The following CD28 variants were observed in gnomAD, a reference collection of about 807,000 sequenced individuals.
CD28 encodes CD28 molecule, also known as T-cell-specific surface glycoprotein CD28.
CD28 carries 8 observed loss-of-function variants against 21.4 expected under a neutral mutation model. That is an observed-to-expected ratio of 0.37 (90% CI 0.22 to 0.68). The LOEUF (loss-of-function observed/expected upper bound fraction) is 0.68, where lower values mean the gene tolerates loss of function less well. Among genes scored for constraint, CD28 ranks in the 30% least tolerant of loss-of-function variants. The pLI is 0.55. For missense variants in CD28, 239 were observed against 272.2 expected (o/e 0.88, Z 0.86); for synonymous variants, 106 against 104.0 (o/e 1.02, Z -0.12).
intron 2 of CD28, among the ~76,000 whole-genome samples, chr2:203,728,777 G>A (rs994011189): frequency 2.0e-5 from 3 of 152,248 alleles, no homozygotes; most frequent in African/African-American, 7.2e-5. Context: ...CTTTAGGATA[G>A]TATTTTATAT....
chr2:203,711,571 AT>A (rs1337312564), intron 1 of CD28, among the ~76,000 whole-genome samples: 6 of 152,144 alleles, frequency 3.9e-5, no homozygotes, highest in Non-Finnish European at 5.9e-5. Flanking sequence ...TATCTTGGGT[AT>A]TGTGGCTGAC....
intron 1 of CD28, among the ~76,000 whole-genome samples, chr2:203,719,841 T>G (rs531651613): frequency 5.3e-5 from 8 of 152,346 alleles, no homozygotes; most frequent in African/African-American, 1.9e-4. Context: ...AAGCATTAAC[T>G]GAGCTGGTGG....
At chr2:203,730,272 G>A (rs935746484) in intron 3 of CD28, among the ~76,000 whole-genome samples, 1 of 152,078 alleles carries the variant, frequency 6.6e-6, no homozygotes, top group Non-Finnish European at 1.5e-5. Context: ...CTCCTCTGAA[G>A]CAGTTGAATT....
At chr2:203,721,909 T>C (rs1693614513) in intron 1 of CD28, among the ~76,000 whole-genome samples, 1 of 152,096 alleles carries the variant, frequency 6.6e-6, no homozygotes, top group South Asian at 2.1e-4. Context: ...ACCACTGGAC[T>C]CTAGATGCCA....
rs769507730 is a variant in CD28, at chr2:203,726,970, A to C, written c.390A>C (p.Gly130=). Residue 130 remains glycine, a synonymous_variant, in exon 2 of 4, where the codon GGA becomes GGC. Transcript: ENST00000324106. ...PPYLDNEKSN[G]TIIHVKGKHL... ...ACCTAGACAATGAGAAGAGCAATGG[A>C]ACCATTATCCATGTGAAAGGTAACA... is the stretch of plus-strand genomic sequence containing the variant. 1.3e-6 allele frequency: 2 copies of C among 1,595,724 alleles called. No individual in the cohort carries two copies. The highest frequency in any genetic ancestry group is 4.5e-5 in the East Asian group (2 of 44,768).
intron 3 of CD28, 141 bp downstream of exon 3, chr2:203,729,913 CT>C: frequency 2.4e-6 from 2 of 842,272 alleles, no homozygotes; most frequent in Non-Finnish European, 3.7e-6. Context: ...AGTAGGTTCT[CT>C]TTTAGCTTGT....
intron 2 of CD28, 132 bp downstream of exon 2, chr2:203,727,121 T>C: frequency 1.6e-6 from 1 of 639,436 alleles, no homozygotes. Flanking sequence ...ACAAATAATG[T>C]TTTCAGAAAA....
intron 2 of CD28, 50 bp from the exon 3 acceptor site, chr2:203,729,598 A>G (rs1442108757): frequency 6.4e-7 from 1 of 1,573,994 alleles, no homozygotes; most frequent in Non-Finnish European, 8.7e-7. Flanking sequence ...AAGGAAATGC[A>G]CTCAATTGCT....
rs200116042 is a variant in CD28, at chr2:203,729,787, A to G, written c.534+15A>G. ...TTATTTTCTGGGTAAGAGAAGCAGC[A>G]CTGCTTTTATGTAACTTTTCCACTG... is the stretch of plus-strand genomic sequence containing the variant. On this transcript the variant is annotated intron_variant, in intron 3 of 3. Coordinates refer to ENST00000324106, the MANE Select transcript of CD28 (RefSeq NM_006139.4). 3.4e-4 allele frequency: 547 copies of G among 1,610,300 alleles called. No homozygotes were observed. Among genetic ancestry groups the G allele is most frequent in the Non-Finnish European group, 4.4e-4 (522 of 1,178,846 alleles).
intron 1 of CD28, among the ~76,000 whole-genome samples, chr2:203,711,715 G>A (rs1185051834): frequency 6.6e-6 from 1 of 152,114 alleles, no homozygotes; most frequent in East Asian, 1.9e-4. Flanking sequence ...AATCCACCAT[G>A]TAATCTACTT....
rs184517165 is a variant in CD28 at position 203,729,679 on chromosome 2, C to T, written c.441C>T (p.Pro147=). The change falls in exon 3 of 4, where the codon CCC becomes CCT. Residue 147 remains proline (P), a synonymous_variant. Transcript: ENST00000324106. ...GKHLCPSPLF[P]GPSKPFWVLV... is the part of the protein sequence containing the mutation. ...ACCTTTGTCCAAGTCCCCTATTTCC[C>T]GGACCTTCTAAGCCCTTTTGGGTGC... 99 of 1,614,002 alleles carry T rather than the reference C, an allele frequency of 6.1e-5. 1 individual carries two copies. Among genetic ancestry groups the T allele is most frequent in the Admixed American group, 3.7e-4 (22 of 60,012 alleles).
At chr2:203,722,943 T>C (rs1693642234) in intron 1 of CD28, among the ~76,000 whole-genome samples, 1 of 152,234 alleles carries the variant, frequency 6.6e-6, no homozygotes, top group Non-Finnish European at 1.5e-5. Context: ...TTTCCTCTGT[T>C]AGGCCACTGG....
At chr2:203,717,084 C>T (rs912996144) in intron 1 of CD28, among the ~76,000 whole-genome samples, 25 of 152,098 alleles carry the variant, frequency 1.6e-4, no homozygotes, top group Admixed American at 1.4e-3. Context: ...TGGGTTCAAG[C>T]GATCCACCTG....
chr2:203,716,667 A>G (rs749495589), intron 1 of CD28, among the ~76,000 whole-genome samples: 1 of 152,154 alleles, frequency 6.6e-6, no homozygotes, highest in Non-Finnish European at 1.5e-5. Flanking sequence ...CTACTGAACT[A>G]TCTGACCTTT....
rs200232329 is a variant in CD28, at chr2:203,726,827, G to C, written c.247G>C (p.Gly83Arg). 4.7e-5 allele frequency: 76 copies of C among 1,614,144 alleles called. 1 individual carries two copies. The South Asian group carries it at 8.1e-4, about 17-fold the overall frequency. Reference sequence around the variant, plus strand: ...GCAGCTTCAGGTTTACTCAAAAACGGGGTTCAACTGTGATGGGAAATTGGG... The same window carrying C: ...GCAGCTTCAGGTTTACTCAAAAACGCGGTTCAACTGTGATGGGAAATTGGG... ...SQQLQVYSKTGFNCDGKLGNE... is the reference protein window; with the variant it reads ...SQQLQVYSKTRFNCDGKLGNE... Residue 83 changes from glycine (G) to arginine (R), a missense_variant, in exon 2 of 4, where the codon GGG becomes CGG. Around this residue, in one of 3 missense-constraint regions of CD28, gnomAD observed 104 missense variants for 108.5 expected, o/e 0.96. Transcript: ENST00000324106.
chr2:203,716,396 C>T (rs1340297645), intron 1 of CD28, among the ~76,000 whole-genome samples: 3 of 152,178 alleles, frequency 2.0e-5, no homozygotes, highest in African/African-American at 4.8e-5. Flanking sequence ...GATTGTGTAC[C>T]TGCCTTCGGA....
intron 1 of CD28, among the ~76,000 whole-genome samples, chr2:203,707,113 G>A (rs1693178059): frequency 6.6e-6 from 1 of 151,940 alleles, no homozygotes; most frequent in Non-Finnish European, 1.5e-5. Context: ...CAAAGTGCTA[G>A]GGTTACAGGC....
At chr2:203,715,907 A>T (rs1490242934) in intron 1 of CD28, among the ~76,000 whole-genome samples, 1 of 152,096 alleles carries the variant, frequency 6.6e-6, no homozygotes, top group Non-Finnish European at 1.5e-5. Context: ...CTCAGGCCTT[A>T]TGAACTCACA....
intron 1 of CD28, among the ~76,000 whole-genome samples, chr2:203,724,543 A>C (rs1286105776): frequency 6.6e-6 from 1 of 152,160 alleles, no homozygotes; most frequent in Non-Finnish European, 1.5e-5. Flanking sequence ...AAAGCCAGCA[A>C]TGATTTTTTA....
Sources: gnomAD v4.1 joint callset for allele counts (sites outside exome capture counted in the v4.1 genomes callset) on GRCh38, gnomAD v4.1.1 for gene constraint, gnomAD v4.1.1 regional missense constraint, MANE v1.5 for transcripts, NCBI Gene and HGNC (gene_info 2026-07-23, HGNC 2026-07-21) for gene names.